Variants in TPD52L2 observed in about 807,000 individuals in gnomAD.
The protein encoded by TPD52L2 is TPD52 like 2, also known as tumor protein D54.
In TPD52L2, 19 loss-of-function variants were observed where a neutral mutation model predicts 24.7. The ratio of observed to expected loss-of-function variants is 0.77; its 90% confidence interval spans 0.54 to 1.13. The LOEUF (loss-of-function observed/expected upper bound fraction) is 1.13. TPD52L2 is among the 50% of genes most tolerant of loss of function. The pLI, the probability that TPD52L2 is intolerant of heterozygous loss-of-function variation, is 0.00. For missense variants in TPD52L2, 236 were observed against 250.4 expected (o/e 0.94, Z 0.39); for synonymous variants, 104 against 100.2 (o/e 1.04, Z -0.23).
At chr20:63,883,836 G>C (rs566800794) in intron 5 of TPD52L2, among the ~76,000 whole-genome samples, 121 of 148,430 alleles carry the variant, frequency 8.2e-4, no homozygotes, top group African/African-American at 3.0e-3. Context: ...CTGCCTGCCT[G>C]CCTGCCTCCC....
intron 3 of TPD52L2, among the ~76,000 whole-genome samples, chr20:63,875,121 G>A (rs575734714): frequency 6.7e-6 from 1 of 149,236 alleles, no homozygotes; most frequent in Non-Finnish European, 1.5e-5. Context: ...CAGCCTGGGT[G>A]ACAGAGCAAG....
Position 63,877,298 on chromosome 20 carries a change from T to C in TPD52L2, c.374+1423T>C. On this transcript the variant is annotated intron_variant, in intron 4 of 6. Coordinates refer to ENST00000346249, the MANE Select transcript of TPD52L2 (RefSeq NM_003288.4). The surrounding 1 kb of genome is among the most constrained non-coding windows in gnomAD (Gnocchi z 4.1). ...CCTCAGCCTCCCAAAGTGCTGGGACTACAGGCGCCCACCACCACGCCCGGC... is the reference window on the plus strand; with the variant it reads ...CCTCAGCCTCCCAAAGTGCTGGGACCACAGGCGCCCACCACCACGCCCGGC... 1 of 292,290 alleles carries C rather than the reference T, an allele frequency of 3.4e-6. No individual in the cohort carries two copies. Among genetic ancestry groups the C allele is most frequent in the South Asian group, 2.9e-5 (1 of 34,384 alleles). 18.1% of individuals were successfully genotyped at this position (292,290 alleles called of 1,614,324 possible). A position where few individuals can be genotyped will look rare whatever the true frequency, so the allele number is the denominator to read the frequency against.
intron 5 of TPD52L2, chr20:63,886,130 T>A: frequency 7.4e-7 from 1 of 1,345,630 alleles, no homozygotes; most frequent in Non-Finnish European, 1.1e-6. Flanking sequence ...GCGGCTGTGC[T>A]AGTAGAGGGC....
At chr20:63,874,227 T>TG (rs1568944585) in intron 3 of TPD52L2, among the ~76,000 whole-genome samples, 2,793 of 139,582 alleles carry the variant, frequency 0.02, 59 homozygotes, top group East Asian at 0.13. Context: ...GATTTTTTTT[T>TG]TTGTGTGTGT....
At chr20:63,870,126 C>G (rs2052402627) in intron 2 of TPD52L2, among the ~76,000 whole-genome samples, 1 of 152,074 alleles carries the variant, frequency 6.6e-6, no homozygotes, top group Admixed American at 6.5e-5. Context: ...GACCCTGTCT[C>G]AAAAACAAAA....
In TPD52L2 at chr20:63,873,736, G is replaced by A. The variant is rs752930989; in HGVS notation, c.234G>A (p.Lys78=). The A allele has an allele frequency of 1.9e-6, 3 of 1,610,012 alleles. No homozygotes were observed. In the Admixed American group the frequency reaches 5.1e-5, roughly 27 times the overall value. The change falls in exon 3 of 7, where the codon AAG becomes AAA. Residue 78 remains lysine (K), a synonymous_variant. Transcript: ENST00000346249. ...AAKERHCGEL[K]RRLGLSTLGE... ...AGGAGAGGCACTGTGGAGAGCTCAA[G>A]AGGAGGCTGGGCCTCTCCACCCTGG...
chr20:63,866,860 C>T (rs2052264101), intron 1 of TPD52L2, among the ~76,000 whole-genome samples: 1 of 149,952 alleles, frequency 6.7e-6, no homozygotes, highest in Non-Finnish European at 1.5e-5. Context: ...CAATCTTCAA[C>T]TCCTGGGCTC....
chr20:63,866,588 A>C (rs1216597017), intron 1 of TPD52L2, among the ~76,000 whole-genome samples: 1 of 150,980 alleles, frequency 6.6e-6, no homozygotes. Context: ...CAGCCTCCCA[A>C]CTAGCTGGGA....
In TPD52L2 at chr20:63,875,855, G is replaced by C; in HGVS notation, c.354G>C (p.Glu118Asp). Residue 118 changes from glutamate to aspartate, a missense_variant, in exon 4 of 7, where the codon GAG becomes GAC. Physicochemically the swap from Glu to Asp is conservative, Grantham distance 45 (BLOSUM62 2). Transcript: ENST00000346249. ...KTSEKLGEWN[E>D]KVTQSDLYKK... ...CTGAGAAACTTGGAGAGTGGAATGA[G>C]AAAGTGACCCAGTCAGACCTGTGAG... 6.2e-7 allele frequency: 1 copy of C among 1,614,174 alleles called. No homozygotes were observed. Among genetic ancestry groups the C allele is most frequent in the Non-Finnish European group, 8.5e-7 (1 of 1,180,028 alleles).
chr20:63,887,704 G>A, intron 5 of TPD52L2: 7 of 1,242,264 alleles, frequency 5.6e-6, no homozygotes, highest in South Asian at 5.2e-5. Context: ...CATATTCCTG[G>A]ATTAATTGAG....
intron 5 of TPD52L2, chr20:63,887,283 T>C (rs555576099): frequency 8.7e-5 from 49 of 563,308 alleles, no homozygotes; most frequent in Admixed American, 5.0e-4. Context: ...CCAAATACTT[T>C]TCAAAAGCCC....
intron 4 of TPD52L2, chr20:63,876,536 T>G (rs566060902): frequency 5.7e-6 from 2 of 352,248 alleles, no homozygotes; most frequent in Non-Finnish European, 1.1e-5. Context: ...TGCTCTGATC[T>G]GATTATAACG....
At chr20:63,888,489 G>A (rs1478491991) in intron 5 of TPD52L2, 4 of 141,976 alleles carry the variant, frequency 2.8e-5, no homozygotes, top group African/African-American at 1.1e-4. Flanking sequence ...TCCCTGTAGG[G>A]GATAGCAGAG....
Position 63,873,814 on chromosome 20 carries a change from C to A in TPD52L2, c.312C>A (p.Ser104Arg). The A allele has an allele frequency of 6.5e-7, 1 of 1,536,940 alleles. No homozygotes were observed. Among genetic ancestry groups the A allele is most frequent in the Non-Finnish European group, 8.7e-7 (1 of 1,146,454 alleles). ...SRSWHDVQVS[S>R]AYVKTSEKLG... is the part of the protein sequence containing the mutation. ...GCTGGCATGACGTGCAGGTCTCTAG[C>A]GCGTAGGTACCTGCCCCAGGCGCAC... is the stretch of plus-strand genomic sequence containing the variant. Residue 104 changes from serine (S) to arginine (R), a missense_variant and splice_region_variant, in exon 3 of 7, where the codon AGC becomes AGA. Transcript: ENST00000346249.
intron 4 of TPD52L2, among the ~76,000 whole-genome samples, chr20:63,876,109 C>T (rs762758384): frequency 6.6e-6 from 1 of 152,230 alleles, no homozygotes; most frequent in South Asian, 2.1e-4. Flanking sequence ...AAACTCCCCT[C>T]TGCCTGATAT....
rs529705352 is a variant in TPD52L2, at chr20:63,866,289, G to C, written c.19+905G>C. Among the ~76,000 whole-genome samples, 36 of 152,004 alleles carry C rather than the reference G, an allele frequency of 2.4e-4. 1 individual carries two copies. The highest frequency in any genetic ancestry group is 5.0e-4 in the Non-Finnish European group (34 of 67,976). On this transcript the variant is annotated intron_variant, in intron 1 of 6. Transcript: ENST00000346249. ...CCAGCTAATTTTTGTATTTTTAGTA[G>C]AGGCAGGGTTTCACCATGTTGCCCA... is the stretch of plus-strand genomic sequence containing the variant.
Position 63,889,894 on chromosome 20 carries a change from T to C in TPD52L2, c.570T>C (p.Pro190=). Residue 190 remains proline (P), a synonymous_variant, in exon 7 of 7, where the codon CCT becomes CCC. Transcript: ENST00000346249. The part of the protein sequence containing the change: ...GDRENGSDNL[P]SSAGSGDKPL... The stretch of plus-strand genomic sequence containing the variant: ...GAGAGAACGGCAGTGACAACCTCCC[T>C]TCCTCAGCGGGGAGTGGTGACAAGC... 2 of 1,614,212 alleles carry C rather than the reference T, an allele frequency of 1.2e-6. No individual in the cohort carries two copies. The highest frequency in any genetic ancestry group is 2.2e-5 in the East Asian group (1 of 44,894).
chr20:63,874,583 A>T (rs2052595901), intron 3 of TPD52L2, among the ~76,000 whole-genome samples: 1 of 151,966 alleles, frequency 6.6e-6, no homozygotes, highest in African/African-American at 2.4e-5. Flanking sequence ...TTTGCTACCT[A>T]GGCTGGTCTC....
At chr20:63,881,195 G>A (rs1179150797) in intron 4 of TPD52L2, among the ~76,000 whole-genome samples, 5 of 152,014 alleles carry the variant, frequency 3.3e-5, no homozygotes, top group African/African-American at 1.2e-4. Context: ...AACGCTATCT[G>A]TACTAAAAAG....
Sources: allele counts gnomAD v4.1 joint callset (sites outside exome capture counted in the v4.1 genomes callset), GRCh38; gene constraint gnomAD v4.1.1; non-coding constraint Gnocchi (gnomAD v3.1); transcripts MANE v1.5; gene names NCBI Gene and HGNC (gene_info 2026-07-23, HGNC 2026-07-21).